PDE4D: variants seen among roughly 807,000 people sequenced by gnomAD.
The protein encoded by PDE4D is 3',5'-cyclic-AMP phosphodiesterase 4D.
Under a neutral mutation model 87.4 loss-of-function variants are expected in PDE4D, and 24 were observed. The ratio of observed to expected loss-of-function variants is 0.27; its 90% confidence interval spans 0.20 to 0.39. PDE4D has a LOEUF of 0.39. Ranked by LOEUF, PDE4D falls within the 10% of genes least tolerant of loss-of-function variation. PDE4D has a pLI of 1.00. For missense variants in PDE4D, 714 were observed against 1,041.0 expected (o/e 0.69, Z 4.32); for synonymous variants, 384 against 383.2 (o/e 1.00, Z -0.02).
At chr5:59,017,999 A>G (rs1180136106) in intron 6 of PDE4D, among the ~76,000 whole-genome samples, 1 of 152,210 alleles carries the variant, frequency 6.6e-6, no homozygotes, top group East Asian at 1.9e-4. Context: ...TCTTACCAGC[A>G]ATGAAATATG....
In PDE4D at chr5:60,209,471, A is replaced by C. The variant is rs1193518594; in HGVS notation, c.-89-23784T>G. ...CACACTAGAATTTTAGCAACACTTC[A>C]ATCCAGCAAAGGGCCTATTGTTGTA... On this transcript the variant is annotated intron_variant, in intron 1 of 16. Coordinates refer to the PDE4D transcript ENST00000502484. Among the ~76,000 whole-genome samples the C allele has an allele frequency of 2.6e-5, 4 of 152,168 alleles. No homozygotes were observed. The East Asian group carries it at 7.7e-4, about 29-fold the overall frequency.
At position 60,337,566 on chromosome 5, in the gene PDE4D, G is replaced by T. The variant is rs564541063; in HGVS notation, c.-90+150376C>A. Among the ~76,000 whole-genome samples the T allele has an allele frequency of 2.6e-5, 4 of 151,350 alleles. No homozygotes were observed. The East Asian group carries it at 7.8e-4, about 29-fold the overall frequency. ...CTATATGCATCTGTCAAAACTTATA[G>T]AACTCTACAATAAAAGGGATGGATT... On this transcript the variant is annotated intron_variant, in intron 1 of 16. Coordinates refer to the PDE4D transcript ENST00000502484.
chr5:59,662,143 A>G (rs1162653439), intron 1 of PDE4D, among the ~76,000 whole-genome samples: 1 of 152,170 alleles, frequency 6.6e-6, no homozygotes, highest in Non-Finnish European at 1.5e-5. Context: ...TCAGAGTTCC[A>G]ACCAGCTGTA....
At chr5:59,706,088 C>A (rs1028971619) in intron 1 of PDE4D, among the ~76,000 whole-genome samples, 2 of 152,070 alleles carry the variant, frequency 1.3e-5, no homozygotes, top group Non-Finnish European at 2.9e-5. Flanking sequence ...TTTATGTTTT[C>A]AAGAATGACA....
At chr5:59,647,458 A>AG in intron 1 of PDE4D, among the ~76,000 whole-genome samples, 1 of 67,674 alleles carries the variant, frequency 1.5e-5, no homozygotes, top group East Asian at 5.4e-4. Context: ...GATTTTTCAA[A>AG]GTTTTTTTTT....
chr5:59,798,236 C>A (rs1386196408), intron 1 of PDE4D, among the ~76,000 whole-genome samples: 4 of 148,150 alleles, frequency 2.7e-5, no homozygotes, highest in African/African-American at 1.0e-4. Context: ...CCATCTCTCT[C>A]TCTCTATATA....
At chr5:59,769,997 G>A (rs774717678) in intron 1 of PDE4D, among the ~76,000 whole-genome samples, 6 of 152,154 alleles carry the variant, frequency 3.9e-5, no homozygotes, top group Non-Finnish European at 8.8e-5. Context: ...TGTACTCTGA[G>A]GTTCTATTCA....
At chr5:60,031,192 T>C (rs1160933394) in intron 2 of PDE4D, among the ~76,000 whole-genome samples, 1 of 152,226 alleles carries the variant, frequency 6.6e-6, no homozygotes, top group Non-Finnish European at 1.5e-5. Context: ...AAAGGAGTAG[T>C]GAGGATTAAC....
chr5:59,822,639 T>C (rs1327590358), intron 1 of PDE4D, among the ~76,000 whole-genome samples: 1 of 152,202 alleles, frequency 6.6e-6, no homozygotes, highest in African/African-American at 2.4e-5. Context: ...CCACTCTAAT[T>C]TGAAGACTCT....
At chr5:60,170,796 A>G (rs1783356919) in intron 2 of PDE4D, among the ~76,000 whole-genome samples, 1 of 152,024 alleles carries the variant, frequency 6.6e-6, no homozygotes, top group Non-Finnish European at 1.5e-5. Context: ...CTGAGAATAC[A>G]TATATCTCTG....
chr5:60,456,872 T>C (rs1283716305), intron 1 of PDE4D, among the ~76,000 whole-genome samples: 1 of 152,182 alleles, frequency 6.6e-6, no homozygotes, highest in African/African-American at 2.4e-5. Flanking sequence ...CAGTGTCCTA[T>C]ACCTCTGTTC....
chr5:59,254,427 A>G (rs1760564610), intron 1 of PDE4D, among the ~76,000 whole-genome samples: 1 of 151,978 alleles, frequency 6.6e-6, no homozygotes, highest in Non-Finnish European at 1.5e-5. Flanking sequence ...GCTTAAAGAT[A>G]GAAAAGCAGT....
At chr5:58,979,369 T>C (rs1048501993) in intron 11 of PDE4D, among the ~76,000 whole-genome samples, 2 of 152,306 alleles carry the variant, frequency 1.3e-5, no homozygotes, top group African/African-American at 4.8e-5. Context: ...CCATCTCAGA[T>C]GCTGTTACAG....
At chr5:59,600,917 T>C (rs1827412470) in intron 1 of PDE4D, among the ~76,000 whole-genome samples, 1 of 152,176 alleles carries the variant, frequency 6.6e-6, no homozygotes, top group African/African-American at 2.4e-5. Context: ...CCCAAGAGGT[T>C]TCTAATATTA....
Position 59,516,464 on chromosome 5 carries a change from T to C in PDE4D, c.456-300496A>G, listed in dbSNP as rs1418884722. On this transcript the variant is annotated intron_variant, in intron 1 of 14. Coordinates refer to ENST00000340635, the MANE Select transcript of PDE4D (RefSeq NM_001104631.2). Reference sequence around the variant, plus strand: ...GCACTAACATATGTATGGACGAAGATAACAGTCTACAGCTTTCTGTTTTCC... The same window carrying C: ...GCACTAACATATGTATGGACGAAGACAACAGTCTACAGCTTTCTGTTTTCC... 2.0e-5 allele frequency among the ~76,000 whole-genome samples: 3 copies of C among 152,306 alleles called. No homozygotes were observed. In the South Asian group the frequency reaches 6.2e-4, roughly 32 times the overall value.
At chr5:59,689,342 G>T (rs377004206) in intron 1 of PDE4D, among the ~76,000 whole-genome samples, 22 of 152,176 alleles carry the variant, frequency 1.4e-4, no homozygotes, top group South Asian at 8.3e-4. Context: ...GCAAACCGAA[G>T]CCAGCAGCAC....
chr5:59,655,297 T>A (rs1296671119), intron 1 of PDE4D, among the ~76,000 whole-genome samples: 1 of 152,190 alleles, frequency 6.6e-6, no homozygotes, highest in Non-Finnish European at 1.5e-5. Flanking sequence ...GCAAAAGAGA[T>A]TCGTTAGCTA....
chr5:59,865,900 A>G (rs1390806079), intron 1 of PDE4D, among the ~76,000 whole-genome samples: 3 of 152,216 alleles, frequency 2.0e-5, no homozygotes, highest in Non-Finnish European at 2.9e-5. Context: ...GGTGCAAACA[A>G]TCCAACCTAA....
intron 3 of PDE4D, among the ~76,000 whole-genome samples, chr5:59,955,177 G>T (rs1240542698): frequency 9.9e-5 from 15 of 152,168 alleles, no homozygotes; most frequent in Non-Finnish European, 5.9e-5. Flanking sequence ...GGTAACCATG[G>T]TTGTGCCTCT....
Sources: gnomAD v4.1 joint callset for allele counts (sites outside exome capture counted in the v4.1 genomes callset) on GRCh38, gnomAD v4.1.1 for gene constraint, MANE v1.5 for transcripts, NCBI Gene and HGNC (gene_info 2026-07-23, HGNC 2026-07-21) for gene names.